PARP14: variants seen among roughly 807,000 people sequenced by gnomAD.
PARP14 encodes the protein protein mono-ADP-ribosyltransferase PARP14.
A neutral mutation model predicts 154.2 loss-of-function variants in PARP14; 59 were observed. The ratio of observed to expected loss-of-function variants is 0.38; its 90% CI spans 0.31 to 0.48. The LOEUF is 0.48. Among genes scored for constraint, PARP14 ranks in the 20% least tolerant of loss-of-function variants. The pLI is 0.98. For missense variants in PARP14, 1,734 were observed against 2,131.6 expected (o/e 0.81, Z 3.67); for synonymous variants, 720 against 780.5 (o/e 0.92, Z 1.29).
chr3:122,701,706 G>A lies in PARP14; in HGVS notation c.3081+71G>A. 1 of 1,130,734 alleles carries A rather than the reference G, an allele frequency of 8.8e-7. No individual in the cohort carries two copies. Among genetic ancestry groups the A allele is most frequent in the South Asian group, 1.6e-5 (1 of 61,324 alleles). 70.0% of individuals were successfully genotyped at this position (1,130,734 alleles called of 1,614,324 possible). ...CTTAGTCAGTGGCTCTCTCATGGAG[G>A]GCTGAAGAAAGATAAGGACCAAGGT... On this transcript the variant is annotated intron_variant, in intron 6 of 16. Transcript: ENST00000474629. The surrounding 1 kb of genome is among the most constrained non-coding windows in gnomAD (Gnocchi z 4.0).
intron 15 of PARP14, among the ~76,000 whole-genome samples, chr3:122,723,864 A>C (rs1157046203): frequency 1.3e-5 from 2 of 152,174 alleles, no homozygotes; most frequent in Non-Finnish European, 2.9e-5. Flanking sequence ...TGGAGGTTGC[A>C]GGATGTTGAT....
At chr3:122,702,949 C>T (rs573327177) in intron 6 of PARP14, among the ~76,000 whole-genome samples, 33 of 146,352 alleles carry the variant, frequency 2.3e-4, no homozygotes, top group Non-Finnish European at 3.1e-4. Flanking sequence ...TATGATCATG[C>T]CACTGCCCTC....
chr3:122,710,032 T>C (rs1939273981), intron 9 of PARP14, among the ~76,000 whole-genome samples: 1 of 152,192 alleles, frequency 6.6e-6, no homozygotes, highest in East Asian at 1.9e-4. Context: ...ACTCTCCTGA[T>C]TACTTTGCTG....
intron 15 of PARP14, 69 bp downstream of exon 15, chr3:122,720,457 C>T (rs1933135131): frequency 3.5e-6 from 5 of 1,438,858 alleles, no homozygotes; most frequent in Non-Finnish European, 4.8e-6. Context: ...TATATAAAAT[C>T]CATTTTCATT....
intron 5 of PARP14, among the ~76,000 whole-genome samples, chr3:122,696,003 T>C (rs1404897975): frequency 6.6e-6 from 1 of 152,198 alleles, no homozygotes; most frequent in East Asian, 1.9e-4. Flanking sequence ...CTCAAATTAA[T>C]TATGACAAGG....
intron 15 of PARP14, among the ~76,000 whole-genome samples, chr3:122,727,148 C>T (rs1416280628): frequency 3.3e-5 from 5 of 152,190 alleles, no homozygotes; most frequent in South Asian, 2.1e-4. Context: ...ACCCACCCCT[C>T]GGTCTTCCCA....
Position 122,703,752 on chromosome 3 carries a change from T to C in PARP14, c.3092T>C (p.Val1031Ala), listed in dbSNP as rs1201723472. 6.3e-7 allele frequency: 1 copy of C among 1,589,482 alleles called. No individual in the cohort carries two copies. The highest frequency in any genetic ancestry group is 8.6e-7 in the Non-Finnish European group (1 of 1,168,142). The change falls in exon 7 of 17, where the codon GTT (valine) becomes GCT (alanine). Residue 1031 changes from valine (V) to alanine (A), a missense_variant. Val to Ala is a moderately conservative substitution (Grantham distance 64, BLOSUM62 0). Transcript: ENST00000474629. Reference sequence around the variant, plus strand: ...GGTTTTGTCTTTAAGACCGATGTTGTTGTCAACTCCGTTCCCTTGGATCTC... The same window carrying C: ...GGTTTTGTCTTTAAGACCGATGTTGCTGTCAACTCCGTTCCCTTGGATCTC... ...EGVQNAKTDV[V>A]VNSVPLDLVL...
At chr3:122,719,065 A>G in intron 14 of PARP14, 107 bp downstream of exon 14, 1 of 1,113,360 alleles carries the variant, frequency 9.0e-7, no homozygotes. Context: ...TTCATGTGAC[A>G]CTAATGAAAT....
intron 1 of PARP14, among the ~76,000 whole-genome samples, chr3:122,684,195 G>C (rs941844917): frequency 1.8e-4 from 27 of 152,146 alleles, no homozygotes; most frequent in African/African-American, 4.8e-5. Context: ...TCAGAACACA[G>C]CATAGTGACC....
Position 122,692,551 on chromosome 3 carries a change from G to GAAGTGAC in PARP14, c.598+10_598+16dup. 2 of 1,600,260 alleles carry GAAGTGAC rather than the reference G, an allele frequency of 1.2e-6. No homozygotes were observed. Among genetic ancestry groups the GAAGTGAC allele is most frequent in the Non-Finnish European group, 1.7e-6 (2 of 1,169,580 alleles). Reference sequence around the variant, plus strand: ...CCTTTCAAAAGCACATAGGTAAGATGAAGTGACACTTCCTCTGCCTGTCTT... The same window carrying GAAGTGAC: ...CCTTTCAAAAGCACATAGGTAAGATGAAGTGACAAGTGACACTTCCTCTGCCTGTCTT... On this transcript the variant is annotated intron_variant, in intron 4 of 16. Transcript: ENST00000474629.
chr3:122,718,883 G>C lies in PARP14; in HGVS notation c.4732G>C (p.Val1578Leu). 1 of 1,613,870 alleles carries C rather than the reference G, an allele frequency of 6.2e-7. No homozygotes were observed. Among genetic ancestry groups the C allele is most frequent in the Non-Finnish European group, 8.5e-7 (1 of 1,179,830 alleles). Residue 1578 changes from valine to leucine, a missense_variant, in exon 14 of 17, where the codon GTG (valine) becomes CTG (leucine). Val to Leu is a conservative substitution (Grantham distance 32, BLOSUM62 1). This residue lies in a region of PARP14 where 1,646 missense variants were observed against 1,976.0 expected (regional missense o/e 0.83). Transcript: ENST00000474629. ...DVKINHRHYT[V>L]NLNTYTATDT... ...CAAAATTAATCATCGGCACTACACA[G>C]TGAACTTGAACACATACACTGCCAC... is the stretch of plus-strand genomic sequence containing the variant.
At chr3:122,710,468 TATA>T (rs756915780) in intron 9 of PARP14, among the ~76,000 whole-genome samples, 2 of 152,212 alleles carry the variant, frequency 1.3e-5, no homozygotes, top group Non-Finnish European at 2.9e-5. Context: ...AGCCTTGTAG[TATA>T]ATTTGAAGTT....
chr3:122,687,012 AG>A, intron 2 of PARP14, 67 bp from the exon 3 acceptor site: 1 of 1,121,592 alleles, frequency 8.9e-7, no homozygotes, highest in Non-Finnish European at 1.3e-6. Flanking sequence ...GGCTGGTCCC[AG>A]GGACATTTTC....
chr3:122,703,221 T>C (rs1305254961), intron 6 of PARP14, among the ~76,000 whole-genome samples: 3 of 152,142 alleles, frequency 2.0e-5, no homozygotes, highest in African/African-American at 7.2e-5. Context: ...CATTCACTGA[T>C]GAAAAAGCTT....
chr3:122,725,426 G>T (rs1215036570), intron 15 of PARP14, among the ~76,000 whole-genome samples: 2 of 152,176 alleles, frequency 1.3e-5, no homozygotes, highest in African/African-American at 4.8e-5. Context: ...CGGCCGGGCA[G>T]AGGCGAATTT....
At chr3:122,704,946 A>T (rs1188303804) in intron 8 of PARP14, among the ~76,000 whole-genome samples, 198 bp downstream of exon 8, 1 of 152,232 alleles carries the variant, frequency 6.6e-6, no homozygotes, top group Non-Finnish European at 1.5e-5. Context: ...TTAACTTCCT[A>T]TTCAGGAAAA....
At chr3:122,683,107 G>A (rs1464500150) in intron 1 of PARP14, among the ~76,000 whole-genome samples, 3 of 151,996 alleles carry the variant, frequency 2.0e-5, no homozygotes, top group South Asian at 4.2e-4. Context: ...AAACAAACTC[G>A]AAACCTAGTA....
chr3:122,704,492 A>T (rs372880266), intron 7 of PARP14, 35 bp from the exon 8 acceptor site: 1 of 1,329,760 alleles, frequency 7.5e-7, no homozygotes, highest in Non-Finnish European at 1.1e-6. Flanking sequence ...CCATTTCTAG[A>T]CAAGATGTAT....
In PARP14 at chr3:122,700,148, G is replaced by A. The variant is rs1938908427; in HGVS notation, c.1594G>A (p.Ala532Thr). The A allele has an allele frequency of 6.2e-7, 1 of 1,613,370 alleles. No individual in the cohort carries two copies. The highest frequency in any genetic ancestry group is 8.5e-7 in the Non-Finnish European group (1 of 1,179,638). The stretch of plus-strand genomic sequence containing the variant: ...AATCCAGGAAAAGGTGTACACCATG[G>A]CTCAGAAAAACATTCAGGTTTCTCC... Reference protein sequence around the residue: ...CEIQEKVYTMAQKNIQVSPEI... With the variant: ...CEIQEKVYTMTQKNIQVSPEI... The change falls in exon 6 of 17, where the codon GCT becomes ACT. Residue 532 changes from alanine to threonine, a missense_variant. Around this residue, in one of 2 missense-constraint regions of PARP14, gnomAD observed 1,646 missense variants for 1,976.0 expected, o/e 0.83. Coordinates refer to ENST00000474629, the MANE Select transcript of PARP14 (RefSeq NM_017554.3).
Sources: allele counts gnomAD v4.1 joint callset (sites outside exome capture counted in the v4.1 genomes callset), GRCh38; gene constraint gnomAD v4.1.1; regional missense constraint gnomAD v4.1.1; non-coding constraint Gnocchi (gnomAD v3.1); transcripts MANE v1.5; gene names NCBI Gene and HGNC (gene_info 2026-07-23, HGNC 2026-07-21).